The following AMOTL1 variants were observed in gnomAD, a reference collection of about 807,000 sequenced individuals.
AMOTL1 encodes angiomotin-like protein 1.
AMOTL1 carries 45 observed loss-of-function variants against 102.9 expected under a neutral mutation model. The observed-to-expected ratio is 0.44, with a 90% confidence interval of 0.34 to 0.56. The LOEUF is 0.56. Among genes scored for constraint, AMOTL1 ranks in the 20% least tolerant of loss-of-function variants. The probability of loss-of-function intolerance (pLI) is 0.01; values close to 1 mark genes in which losing one functional copy is unlikely to be tolerated. For missense variants in AMOTL1, 1,114 were observed against 1,225.6 expected, an observed-to-expected ratio of 0.91 and a Z score of 1.36; for synonymous variants, 481 against 484.7, an observed-to-expected ratio of 0.99 and a Z score of 0.10.
In AMOTL1 at chr11:94,800,292, C is replaced by G. The variant is rs887421610; in HGVS notation, c.1102C>G (p.Pro368Ala). Residue 368 changes from proline to alanine, a missense_variant, in exon 3 of 13, where the codon CCT (proline) becomes GCT (alanine). Pro to Ala is a conservative substitution (Grantham distance 27, BLOSUM62 -1). Coordinates refer to ENST00000433060, the MANE Select transcript of AMOTL1 (RefSeq NM_130847.3). ...DVAVLRYQPP[P>A]EYGVTSRPCQ... ...GGCCGTCCTGCGGTACCAGCCACCC[C>G]CTGAGTATGGGGTAACGAGGTGATT... is the stretch of plus-strand genomic sequence containing the variant. 11 of 1,608,650 alleles carry G rather than the reference C, an allele frequency of 6.8e-6. No individual in the cohort carries two copies. Among genetic ancestry groups the G allele is most frequent in the Admixed American group, 6.8e-5 (4 of 58,870 alleles).
rs1263648318 is a variant in AMOTL1, at chr11:94,871,758, A to G, written c.*963A>G. 1 of 152,168 alleles carries G rather than the reference A, an allele frequency of 6.6e-6. No individual in the cohort carries two copies. The highest frequency in any genetic ancestry group is 1.5e-5 in the Non-Finnish European group (1 of 68,032). 9.4% of individuals were successfully genotyped at this position (152,168 alleles called of 1,614,324 possible). ...TGGGTCCCTGTGACATATTGCATTA[A>G]GATCGTGGCACTTGCTTTTTTGTCT... On this transcript the variant is annotated 3_prime_UTR_variant, in exon 13 of 13. Coordinates refer to ENST00000433060, the MANE Select transcript of AMOTL1 (RefSeq NM_130847.3).
At chr11:94,791,747 T>G (rs1951289233) in intron 1 of AMOTL1, among the ~76,000 whole-genome samples, 1 of 152,188 alleles carries the variant, frequency 6.6e-6, no homozygotes, top group South Asian at 2.1e-4. Flanking sequence ...GCCATGAACT[T>G]TTGACATAGA....
In AMOTL1 at chr11:94,779,372, T is replaced by G. The variant is rs190486761; in HGVS notation, c.49+10812T>G. Among the ~76,000 whole-genome samples the G allele has an allele frequency of 2.0e-4, 31 of 152,320 alleles. No homozygotes were observed. The East Asian group carries it at 5.2e-3, about 26-fold the overall frequency. ...AAAATCATTATGAACATCAGTAATA[T>G]GATGTGTTGTTTGAATCAGGAGTGG... On this transcript the variant is annotated intron_variant, in intron 1 of 12. Transcript: ENST00000433060.
chr11:94,810,059 A>G (rs1951645185), intron 3 of AMOTL1, among the ~76,000 whole-genome samples: 1 of 152,078 alleles, frequency 6.6e-6, no homozygotes. Flanking sequence ...CTGTTTTATT[A>G]CTCCAGGCAG....
At chr11:94,721,994 G>C (rs1950181882) in intron 1 of AMOTL1, among the ~76,000 whole-genome samples, 1 of 152,032 alleles carries the variant, frequency 6.6e-6, no homozygotes, top group Admixed American at 6.6e-5. Flanking sequence ...CGGGCTCTTT[G>C]TCTCTTTGCC....
rs1197680931 is a variant in AMOTL1 at position 94,756,266 on chromosome 11, CA to C, written c.136+15283del. ...CAGGCCAAAAGCAGCTTTTTGGGTG[CA>C]AAAACAGAAATGCCTGTCCTCATTT... On this transcript the variant is annotated intron_variant, in intron 3 of 4. Coordinates refer to the AMOTL1 transcript ENST00000299004. Among the ~76,000 whole-genome samples the C allele has an allele frequency of 3.3e-5, 5 of 150,786 alleles. No individual in the cohort carries two copies. The East Asian group carries it at 9.8e-4, about 29-fold the overall frequency.
chr11:94,830,195 G>T lies in AMOTL1; in HGVS notation c.1558+1G>T. 1 of 1,598,682 alleles carries T rather than the reference G, an allele frequency of 6.3e-7. No individual in the cohort carries two copies. The highest frequency in any genetic ancestry group is 8.5e-7 in the Non-Finnish European group (1 of 1,174,418). The stretch of plus-strand genomic sequence containing the variant: ...CATGATTTCAACAGAGACCTCCGAG[G>T]CAGGTTTATTCATGTTCTCTCTATC... On this transcript the variant is annotated splice_donor_variant, in intron 5 of 12. Coordinates refer to ENST00000433060, the MANE Select transcript of AMOTL1 (RefSeq NM_130847.3). LOFTEE classifies it high-confidence loss of function.
At chr11:94,852,118 A>G (rs988242385) in intron 7 of AMOTL1, among the ~76,000 whole-genome samples, 10 of 152,226 alleles carry the variant, frequency 6.6e-5, no homozygotes, top group African/African-American at 2.4e-4. Context: ...CACACACAAA[A>G]TATTTTGTCA....
chr11:94,767,227 G>A (rs1950865729), upstream of AMOTL1, among the ~76,000 whole-genome samples: 1 of 152,020 alleles, frequency 6.6e-6, no homozygotes, highest in South Asian at 2.1e-4. Context: ...TTTCTTTTGT[G>A]TGTACCAGGG....
intron 3 of AMOTL1, among the ~76,000 whole-genome samples, chr11:94,755,092 G>T (rs1950705063): frequency 6.6e-6 from 1 of 152,144 alleles, no homozygotes; most frequent in African/African-American, 2.4e-5. Context: ...GATGAGACTT[G>T]ATTGCTGCTA....
At chr11:94,808,758 A>G (rs1951612460) in intron 3 of AMOTL1, among the ~76,000 whole-genome samples, 1 of 152,198 alleles carries the variant, frequency 6.6e-6, no homozygotes, top group Non-Finnish European at 1.5e-5. Context: ...CTCATTAAAC[A>G]TTTTCTAGCA....
chr11:94,741,637 G>C (rs1262569128), intron 3 of AMOTL1, among the ~76,000 whole-genome samples: 2 of 152,148 alleles, frequency 1.3e-5, no homozygotes, highest in South Asian at 4.2e-4. Context: ...TGAAGAGAGA[G>C]TGAAGAGAAG....
At chr11:94,821,027 C>T (rs2033362) in intron 3 of AMOTL1, among the ~76,000 whole-genome samples, 37,817 of 152,058 alleles carry the variant, frequency 0.25, 5,322 homozygotes, top group East Asian at 0.46. Context: ...TGGGGACCAC[C>T]GTGCTAGCTG....
At chr11:94,720,552 TC>T (rs1220289003) in intron 1 of AMOTL1, among the ~76,000 whole-genome samples, 2 of 152,086 alleles carry the variant, frequency 1.3e-5, no homozygotes, top group Non-Finnish European at 2.9e-5. Context: ...GCCACATACC[TC>T]CCTCACCTAA....
At chr11:94,844,722 C>T (rs182013319) in intron 6 of AMOTL1, among the ~76,000 whole-genome samples, 123 of 152,334 alleles carry the variant, frequency 8.1e-4, no homozygotes, top group Middle Eastern at 3.4e-3. Context: ...GCTGAACCCT[C>T]ATGGCCTAAT....
At chr11:94,720,941 A>C (rs1188566122) in intron 1 of AMOTL1, among the ~76,000 whole-genome samples, 1 of 152,154 alleles carries the variant, frequency 6.6e-6, no homozygotes, top group Non-Finnish European at 1.5e-5. Context: ...CCAAGCATTA[A>C]GTCAGCCTTC....
intron 6 of AMOTL1, among the ~76,000 whole-genome samples, chr11:94,840,681 T>TATATATATATATATATATACACACAC (rs1166713705): frequency 5.7e-5 from 6 of 104,798 alleles, no homozygotes; most frequent in African/African-American, 2.4e-4. Flanking sequence ...TATATATATA[T>TATATATATATATATATATACACACAC]ACACACACAC....
intron 3 of AMOTL1, among the ~76,000 whole-genome samples, chr11:94,750,364 C>G (rs1465047999): frequency 6.6e-6 from 1 of 152,212 alleles, no homozygotes; most frequent in Non-Finnish European, 1.5e-5. Context: ...GCTGCTGCCC[C>G]TACTCACACC....
chr11:94,715,135 A>G (rs1384086463), intron 1 of AMOTL1, among the ~76,000 whole-genome samples: 2 of 152,150 alleles, frequency 1.3e-5, no homozygotes, highest in African/African-American at 2.4e-5. Context: ...TGGCTTATTT[A>G]AAAGTGTGTC....
Sources: allele counts gnomAD v4.1 joint callset (sites outside exome capture counted in the v4.1 genomes callset), GRCh38; gene constraint gnomAD v4.1.1; transcripts MANE v1.5; gene names NCBI Gene and HGNC (gene_info 2026-07-23, HGNC 2026-07-21).